RBMS1: variants seen among roughly 807,000 people sequenced by gnomAD.
The protein encoded by RBMS1 is RNA-binding motif, single-stranded-interacting protein 1.
Under a neutral mutation model 62.3 loss-of-function variants are expected in RBMS1, and 17 were observed. The ratio of observed to expected loss-of-function variants is 0.27; its 90% CI spans 0.19 to 0.41. The LOEUF is 0.41. Ranked by LOEUF, RBMS1 falls within the 10% of genes least tolerant of loss-of-function variation. The pLI, the probability that RBMS1 is intolerant of heterozygous loss-of-function variation, is 1.00. For synonymous variants in RBMS1, 172 were observed against 170.0 expected (o/e 1.01, Z -0.09); for missense variants, 334 against 504.5 (o/e 0.66, Z 3.24).
intron 1 of RBMS1, among the ~76,000 whole-genome samples, chr2:160,425,685 C>T (rs932157318): frequency 6.6e-6 from 1 of 152,106 alleles, no homozygotes; most frequent in Non-Finnish European, 1.5e-5. Context: ...GCAACTACAG[C>T]AGAAATGGCA....
chr2:160,407,369 C>T (rs1695792727), intron 1 of RBMS1: 1 of 985,706 alleles, frequency 1.0e-6, no homozygotes, highest in Non-Finnish European at 1.2e-6. Context: ...ACCGCCCAGC[C>T]GGTCCCTCCG....
intron 1 of RBMS1, chr2:160,407,860 A>C: frequency 1.0e-6 from 1 of 981,128 alleles, no homozygotes; most frequent in Non-Finnish European, 1.2e-6. Context: ...GCGGAGGAGC[A>C]GCGCCGCCGC....
chr2:160,296,364 G>A (rs1688934145), intron 6 of RBMS1, among the ~76,000 whole-genome samples: 2 of 152,274 alleles, frequency 1.3e-5, no homozygotes, highest in Admixed American at 6.5e-5. Context: ...GATGCAGTGT[G>A]CTCTCAGGTT....
In RBMS1 at chr2:160,278,348, A is replaced by G; in HGVS notation, c.1062+200T>C. 3 of 602,372 alleles carry G rather than the reference A, an allele frequency of 5.0e-6. No individual in the cohort carries two copies. The Admixed American group carries it at 8.0e-5, about 16-fold the overall frequency. 37.3% of individuals were successfully genotyped at this position (602,372 alleles called of 1,614,324 possible). ...TGCTATATTCTCGTAAAGGAGAGAT[A>G]CCCAGAGAATAGACTTTCAGTTCAT... On this transcript the variant is annotated intron_variant, in intron 11 of 13. Transcript: ENST00000348849.
At chr2:160,377,038 G>C (rs1366149350) in intron 1 of RBMS1, among the ~76,000 whole-genome samples, 2 of 151,924 alleles carry the variant, frequency 1.3e-5, no homozygotes, top group Non-Finnish European at 2.9e-5. Flanking sequence ...AAAGATAGAG[G>C]GGAAGAGATG....
chr2:160,339,039 C>T (rs1691728258), intron 2 of RBMS1, among the ~76,000 whole-genome samples: 1 of 152,200 alleles, frequency 6.6e-6, no homozygotes, highest in Admixed American at 6.5e-5. Flanking sequence ...ACCTATTACA[C>T]AGGCAAGCAG....
At chr2:160,372,350 C>G (rs1170733893) in intron 1 of RBMS1, among the ~76,000 whole-genome samples, 1 of 152,122 alleles carries the variant, frequency 6.6e-6, no homozygotes, top group Non-Finnish European at 1.5e-5. Context: ...CACCCACCAC[C>G]ACCACCACGA....
intron 1 of RBMS1, among the ~76,000 whole-genome samples, chr2:160,478,739 T>C (rs1179199834): frequency 2.6e-5 from 4 of 152,228 alleles, no homozygotes; most frequent in African/African-American, 9.6e-5. Flanking sequence ...GTGGACTTAA[T>C]GAGTATATGA....
chr2:160,311,224 C>CTATATATATATATATATA, intron 4 of RBMS1, among the ~76,000 whole-genome samples: 1 of 56,604 alleles, frequency 1.8e-5, no homozygotes, highest in African/African-American at 6.2e-5. Context: ...ATCTATCTAT[C>CTATATATATATATATATA]TATCTATCTA....
chr2:160,445,571 T>C (rs921535178), intron 1 of RBMS1, among the ~76,000 whole-genome samples: 1 of 152,282 alleles, frequency 6.6e-6, no homozygotes, highest in African/African-American at 2.4e-5. Context: ...CATAATCTGA[T>C]CTGCTTTTAA....
chr2:160,372,305 CAAG>C (rs1693767286), intron 1 of RBMS1, among the ~76,000 whole-genome samples: 2 of 151,674 alleles, frequency 1.3e-5, no homozygotes. Context: ...CCTTATAGTT[CAAG>C]AAGGTTATCA....
rs368005741 is a variant in RBMS1, at chr2:160,493,458, A to G, written c.-95T>C. 4,513 of 1,219,520 alleles carry G rather than the reference A, an allele frequency of 3.7e-3. 134 individuals are homozygous for G. The African/African-American group carries it at 0.059, about 16-fold the overall frequency. The allele number at this position is 1,219,520 out of a possible 1,614,324, so 75.5% of individuals were successfully genotyped here. Reference sequence around the variant, plus strand: ...CCTCTCCCTTTCCGGCGGCGGCGGCAGCGGCGGCGGCGGCGGCGGCTGCTG... The same window carrying G: ...CCTCTCCCTTTCCGGCGGCGGCGGCGGCGGCGGCGGCGGCGGCGGCTGCTG... On this transcript the variant is annotated 5_prime_UTR_variant, in exon 1 of 14. Coordinates refer to ENST00000348849, the MANE Select transcript of RBMS1 (RefSeq NM_016836.4).
At chr2:160,418,217 G>T (rs1213442710) in intron 1 of RBMS1, among the ~76,000 whole-genome samples, 2 of 152,078 alleles carry the variant, frequency 1.3e-5, no homozygotes, top group Non-Finnish European at 2.9e-5. Context: ...TACTTCTTTG[G>T]CAAGTTTTAG....
chr2:160,450,396 C>T (rs926123135), intron 1 of RBMS1, among the ~76,000 whole-genome samples: 1 of 151,802 alleles, frequency 6.6e-6, no homozygotes, highest in Admixed American at 6.6e-5. Context: ...AAAAATTAGC[C>T]GGGCGTGATG....
At chr2:160,378,550 T>C (rs1694116812) in intron 1 of RBMS1, among the ~76,000 whole-genome samples, 1 of 151,846 alleles carries the variant, frequency 6.6e-6, no homozygotes, top group Admixed American at 6.6e-5. Context: ...AGGTCAAGGC[T>C]GCACTGAGCT....
chr2:160,272,518 C>G lies in RBMS1; in HGVS notation c.*2254G>C, dbSNP rs1687633020. 1 of 150,294 alleles carries G rather than the reference C, an allele frequency of 6.7e-6. No individual in the cohort carries two copies. The allele number at this position is 150,294 out of a possible 1,614,324, so 9.3% of individuals were successfully genotyped here. A position where few individuals can be genotyped will look rare whatever the true frequency, so the allele number is the denominator to read the frequency against. On this transcript the variant is annotated 3_prime_UTR_variant, in exon 14 of 14. Transcript: ENST00000348849. ...TGTACAGAGGTTATGTTTCCCAAAT[C>G]TTACCCAGACGAGTATGGCACTTAG...
chr2:160,395,172 C>T (rs376095123), intron 1 of RBMS1, among the ~76,000 whole-genome samples: 1 of 152,352 alleles, frequency 6.6e-6, no homozygotes, highest in East Asian at 1.9e-4. Context: ...CACTTTTACT[C>T]TCCTGGACAA....
chr2:160,299,143 A>G (rs948246252), intron 6 of RBMS1, among the ~76,000 whole-genome samples: 1 of 151,286 alleles, frequency 6.6e-6, no homozygotes, highest in African/African-American at 2.4e-5. Flanking sequence ...AGGAATTTCA[A>G]CCACACACCA....
Position 160,493,436 on chromosome 2 carries a change from C to T in RBMS1, c.-73G>A. ...TTCCAAGTCTCGGGCTCTCCTGCCT[C>T]TCCCTTTCCGGCGGCGGCGGCAGCG... On this transcript the variant is annotated 5_prime_UTR_variant, in exon 1 of 14. Transcript: ENST00000348849. 6.8e-7 allele frequency: 1 copy of T among 1,467,652 alleles called. No individual in the cohort carries two copies. Among genetic ancestry groups the T allele is most frequent in the Non-Finnish European group, 9.5e-7 (1 of 1,054,006 alleles). The allele number at this position is 1,467,652 out of a possible 1,614,324, so 90.9% of individuals were successfully genotyped here.
Sources: gnomAD v4.1 joint callset for allele counts (sites outside exome capture counted in the v4.1 genomes callset) on GRCh38, gnomAD v4.1.1 for gene constraint, MANE v1.5 for transcripts, NCBI Gene and HGNC (gene_info 2026-07-23, HGNC 2026-07-21) for gene names.